The following FAM81A variants were observed in gnomAD, a reference collection of about 807,000 sequenced individuals.
The protein encoded by FAM81A is protein FAM81A.
Under a neutral mutation model 46.7 loss-of-function variants are expected in FAM81A, and 19 were observed. The observed-to-expected ratio is 0.41, with a 90% confidence interval of 0.28 to 0.60. FAM81A has a LOEUF of 0.60. Ranked by LOEUF, FAM81A falls within the 20% of genes least tolerant of loss-of-function variation. FAM81A has a pLI of 0.34. For synonymous variants in FAM81A, 183 were observed against 152.9 expected, an observed-to-expected ratio of 1.20 and a Z score of -1.45; for missense variants, 377 against 453.5, an observed-to-expected ratio of 0.83 and a Z score of 1.53.
At chr15:59,426,779 A>G (rs1220560238) in intron 2 of FAM81A, among the ~76,000 whole-genome samples, 1 of 152,238 alleles carries the variant, frequency 6.6e-6, no homozygotes, top group Non-Finnish European at 1.5e-5. Context: ...TACCTCTGCC[A>G]CATACACTTC....
intron 7 of FAM81A, among the ~76,000 whole-genome samples, chr15:59,516,134 T>G (rs2082264119): frequency 6.6e-6 from 1 of 151,402 alleles, no homozygotes; most frequent in Non-Finnish European, 1.5e-5. Context: ...TGGTTTTTTT[T>G]TTTTTTTTTT....
At chr15:59,412,091 A>C (rs1321874681) in intron 2 of FAM81A, among the ~76,000 whole-genome samples, 2 of 151,762 alleles carry the variant, frequency 1.3e-5, no homozygotes, top group Non-Finnish European at 2.9e-5. Context: ...GAGAGGCCAC[A>C]AGGAGGGCTT....
intron 1 of FAM81A, among the ~76,000 whole-genome samples, chr15:59,400,150 A>G (rs1429513634): frequency 5.3e-5 from 8 of 152,134 alleles, no homozygotes; most frequent in Admixed American, 5.2e-4. Flanking sequence ...CCTCCAAGTC[A>G]GGTTGTCCAA....
chr15:59,403,213 C>A (rs4775162), intron 2 of FAM81A, among the ~76,000 whole-genome samples: 61,922 of 151,594 alleles, frequency 0.41, 14,363 homozygotes, highest in Admixed American at 0.51. Flanking sequence ...AAGTGGGCTA[C>A]CCCCCCATCC....
intron 1 of FAM81A, among the ~76,000 whole-genome samples, chr15:59,443,040 A>G (rs2081317305): frequency 6.6e-6 from 1 of 152,170 alleles, no homozygotes; most frequent in African/African-American, 2.4e-5. Flanking sequence ...CTATTGACCT[A>G]ATAATGTCCT....
At chr15:59,486,236 G>T (rs2081915568) in intron 3 of FAM81A, among the ~76,000 whole-genome samples, 1 of 152,082 alleles carries the variant, frequency 6.6e-6, no homozygotes, top group Non-Finnish European at 1.5e-5. Flanking sequence ...AAATTCTGGA[G>T]TGGAAAAATG....
In FAM81A at chr15:59,484,551, T is replaced by G. The variant is rs557501789; in HGVS notation, c.295-7720T>G. ...TGGCCCGGAGAGAGAATCTGTGTGC[T>G]TTGAGGAGGGAGAGTGCAGTGTTTA... On this transcript the variant is annotated intron_variant, in intron 3 of 8. Coordinates refer to ENST00000288228, the MANE Select transcript of FAM81A (RefSeq NM_152450.3). Among the ~76,000 whole-genome samples the G allele has an allele frequency of 2.6e-5, 4 of 152,214 alleles. No homozygotes were observed. In the South Asian group the frequency reaches 8.3e-4, roughly 32 times the overall value.
chr15:59,449,781 CAAAAAAA>C (rs71119473), intron 1 of FAM81A, among the ~76,000 whole-genome samples: 1 of 70,314 alleles, frequency 1.4e-5, no homozygotes, highest in Non-Finnish European at 2.7e-5. Flanking sequence ...GACTCTGTCT[CAAAAAAA>C]AAAAAAAAAA....
chr15:59,449,110 G>T (rs1345189918), intron 1 of FAM81A, among the ~76,000 whole-genome samples: 2 of 152,170 alleles, frequency 1.3e-5, no homozygotes, highest in Non-Finnish European at 2.9e-5. Flanking sequence ...AATGCTTTAA[G>T]AGTAGAGATT....
At chr15:59,515,447 C>T (rs1334218218) in intron 7 of FAM81A, among the ~76,000 whole-genome samples, 1 of 152,086 alleles carries the variant, frequency 6.6e-6, no homozygotes, top group African/African-American at 2.4e-5. Flanking sequence ...ACTCTGCTCT[C>T]TCCAGATGTG....
chr15:59,428,754 C>G (rs1294263443), intron 2 of FAM81A, among the ~76,000 whole-genome samples: 3 of 151,330 alleles, frequency 2.0e-5, no homozygotes. Flanking sequence ...CCTCAACCTC[C>G]CAAGTAGCTG....
chr15:59,499,791 G>A (rs1329546685), intron 4 of FAM81A, among the ~76,000 whole-genome samples: 1 of 151,046 alleles, frequency 6.6e-6, no homozygotes, highest in Non-Finnish European at 1.5e-5. Context: ...TATTATTCTA[G>A]TTCCCTTGTA....
chr15:59,472,459 G>A (rs1596501300), intron 3 of FAM81A, among the ~76,000 whole-genome samples: 1 of 152,160 alleles, frequency 6.6e-6, no homozygotes, highest in South Asian at 2.1e-4. Flanking sequence ...ATACTGGCTA[G>A]TAGTTCCTGC....
intron 1 of FAM81A, among the ~76,000 whole-genome samples, chr15:59,398,879 T>C (rs537709036): frequency 6.4e-5 from 9 of 140,244 alleles, no homozygotes; most frequent in African/African-American, 2.4e-4. Context: ...GACTAAAAAA[T>C]CAGCTATCGG....
upstream of FAM81A, among the ~76,000 whole-genome samples, chr15:59,436,328 A>G (rs1169797580): frequency 6.6e-6 from 1 of 151,280 alleles, no homozygotes; most frequent in African/African-American, 2.4e-5. Flanking sequence ...GAGGAATATT[A>G]GGATCTACTA....
At chr15:59,443,475 C>A (rs774587433) in intron 1 of FAM81A, among the ~76,000 whole-genome samples, 3 of 152,210 alleles carry the variant, frequency 2.0e-5, no homozygotes, top group Non-Finnish European at 2.9e-5. Flanking sequence ...TTCCTCTAAT[C>A]TGGGACCGTT....
At chr15:59,406,186 C>A (rs1480642713) in intron 2 of FAM81A, among the ~76,000 whole-genome samples, 31 of 152,150 alleles carry the variant, frequency 2.0e-4, no homozygotes, top group Admixed American at 2.0e-3. Context: ...GAATGACCTC[C>A]CCTCCCCAAG....
intron 3 of FAM81A, among the ~76,000 whole-genome samples, chr15:59,485,691 G>A (rs1259310130): frequency 6.6e-6 from 1 of 152,146 alleles, no homozygotes; most frequent in Admixed American, 6.5e-5. Flanking sequence ...ACATCCACAA[G>A]CATCAAGACC....
At chr15:59,473,924 A>C (rs554436073) in intron 3 of FAM81A, among the ~76,000 whole-genome samples, 6 of 152,234 alleles carry the variant, frequency 3.9e-5, no homozygotes, top group African/African-American at 1.4e-4. Context: ...CAGTCCTCTC[A>C]CCTTGGCCTC....
Sources: allele counts gnomAD v4.1 joint callset (sites outside exome capture counted in the v4.1 genomes callset), GRCh38; gene constraint gnomAD v4.1.1; transcripts MANE v1.5; gene names NCBI Gene and HGNC (gene_info 2026-07-23, HGNC 2026-07-21).